Variants in ZNF469 observed in about 807,000 individuals in gnomAD.
The protein encoded by ZNF469 is zinc finger protein 469.
In ZNF469, 1 loss-of-function variant was observed where a neutral mutation model predicts 1.0. The observed-to-expected ratio is 1.00, with a 90% confidence interval of 0.35 to 4.73. ZNF469 has a LOEUF of 4.73. ZNF469 is among the 30% of genes most tolerant of loss of function. The pLI is 0.16. For synonymous variants in ZNF469, 2,703 were observed against 2,363.4 expected (o/e 1.14, Z -4.17); for missense variants, 6,100 against 5,356.3 (o/e 1.14, Z -4.33).
At chr16:88,346,236 C>T in the ZNF469 span, among the ~76,000 whole-genome samples, 1 of 152,250 alleles carries the variant, frequency 6.6e-6, no homozygotes, top group Admixed American at 6.5e-5. Context: ...CCGGTGCAGG[C>T]TGCTGGGTGA....
chr16:88,388,591 G>A (rs1288320828), intron 1 of ZNF469, among the ~76,000 whole-genome samples: 3 of 152,226 alleles, frequency 2.0e-5, no homozygotes, highest in Non-Finnish European at 4.4e-5. Context: ...TCTGCATTCC[G>A]GGCAGGGGCA....
chr16:88,381,002 T>A (rs1366119862), upstream of ZNF469, among the ~76,000 whole-genome samples: 3 of 80,064 alleles, frequency 3.7e-5, no homozygotes, highest in African/African-American at 1.0e-4. Flanking sequence ...AGACATGCAC[T>A]CACACACATG....
At chr16:88,319,370 C>G in the ZNF469 span, among the ~76,000 whole-genome samples, 1 of 152,140 alleles carries the variant, frequency 6.6e-6, no homozygotes, top group African/African-American at 2.4e-5. Context: ...AGGAGACTTT[C>G]TTGGGCGGAG....
the ZNF469 span, among the ~76,000 whole-genome samples, chr16:88,122,398 G>A: frequency 3.4e-5 from 5 of 148,202 alleles, no homozygotes; most frequent in African/African-American, 1.0e-4. Context: ...ATCACATCCC[G>A]TCACTCACTA....
At chr16:88,152,080 G>C in the ZNF469 span, among the ~76,000 whole-genome samples, 6 of 152,246 alleles carry the variant, frequency 3.9e-5, no homozygotes, top group African/African-American at 1.4e-4. The surrounding 1 kb of genome is among the most constrained non-coding windows in gnomAD (Gnocchi z 4.2). Context: ...CACAGAGAGA[G>C]CTGGCTTTGG....
chr16:88,375,454 C>T, the ZNF469 span, among the ~76,000 whole-genome samples: 1 of 152,226 alleles, frequency 6.6e-6, no homozygotes, highest in Non-Finnish European at 1.5e-5. Context: ...GAACGAAATA[C>T]ATTAACACCT....
chr16:88,405,664 C>T (rs1188279752), intron 1 of ZNF469, among the ~76,000 whole-genome samples: 2 of 152,168 alleles, frequency 1.3e-5, no homozygotes, highest in East Asian at 1.9e-4. Flanking sequence ...GCAGCTGGGC[C>T]CCACGGACCC....
the ZNF469 span, among the ~76,000 whole-genome samples, chr16:88,349,911 C>T: frequency 9.3e-3 from 3 of 324 alleles, no homozygotes; most frequent in Non-Finnish European, 0.031. Context: ...ACACACAATA[C>T]ACACTACACA....
the ZNF469 span, among the ~76,000 whole-genome samples, chr16:88,303,949 T>G: frequency 6.6e-6 from 1 of 152,330 alleles, no homozygotes; most frequent in East Asian, 1.9e-4. Context: ...TGATGAGGTC[T>G]GGGGGCTGCT....
chr16:88,323,953 A>G, the ZNF469 span, among the ~76,000 whole-genome samples: 1 of 152,102 alleles, frequency 6.6e-6, no homozygotes, highest in Non-Finnish European at 1.5e-5. Flanking sequence ...CAATCACCCC[A>G]GAACTTAGTG....
chr16:88,401,412 T>C lies in ZNF469; in HGVS notation c.-192+18158T>C, dbSNP rs73251740. 8.7e-4 allele frequency among the ~76,000 whole-genome samples: 108 copies of C among 124,388 alleles called. 1 individual carries two copies. Among genetic ancestry groups the C allele is most frequent in the African/African-American group, 3.4e-3 (103 of 30,040 alleles). 81.6% of individuals were successfully genotyped at this position (124,388 alleles called of 152,430 possible). A position where few individuals can be genotyped will look rare whatever the true frequency, so the allele number is the denominator to read the frequency against. ...ACTTGCAGGCCCAAGACCCAGATTC[T>C]AGTCCTGATGATGGACAGATGGATA... is the stretch of plus-strand genomic sequence containing the variant. On this transcript the variant is annotated intron_variant, in intron 1 of 2. Transcript: ENST00000565624.
At chr16:88,112,935 G>A in the ZNF469 span, among the ~76,000 whole-genome samples, 2 of 152,000 alleles carry the variant, frequency 1.3e-5, no homozygotes, top group African/African-American at 2.4e-5. Flanking sequence ...CCGCCACCAC[G>A]CCTGGCTAAT....
In ZNF469 at chr16:88,398,883, G is replaced by A. The variant is rs899156921; in HGVS notation, c.-192+15629G>A. 5.9e-5 allele frequency among the ~76,000 whole-genome samples: 9 copies of A among 152,314 alleles called. 1 individual carries two copies. The South Asian group carries it at 6.2e-4, about 11-fold the overall frequency. On this transcript the variant is annotated intron_variant, in intron 1 of 2. Transcript: ENST00000565624. The stretch of plus-strand genomic sequence containing the variant: ...ATGGGTCAGAGACAAAGCAGAGGAC[G>A]ACAGTCACTCGTCTGCACTCACTCT...
At chr16:88,373,122 A>T in the ZNF469 span, among the ~76,000 whole-genome samples, 1 of 152,330 alleles carries the variant, frequency 6.6e-6, no homozygotes, top group Admixed American at 6.5e-5. Flanking sequence ...CATTATCATG[A>T]CAATGTTTGA....
At chr16:88,326,578 G>A in the ZNF469 span, among the ~76,000 whole-genome samples, 2 of 152,182 alleles carry the variant, frequency 1.3e-5, no homozygotes, top group Non-Finnish European at 2.9e-5. Context: ...TGCTGGGCAG[G>A]ACACCGCATG....
intron 1 of ZNF469, among the ~76,000 whole-genome samples, chr16:88,422,333 ATGGG>A: frequency 1.1e-5 from 1 of 88,356 alleles, no homozygotes; most frequent in Non-Finnish European, 2.4e-5. Context: ...TGATGGATGG[ATGGG>A]TGAATGGGCA....
rs1327878609 is a variant in ZNF469, at chr16:88,438,814, G to A, written c.11344G>A (p.Ala3782Thr). 1.0e-5 allele frequency: 16 copies of A among 1,550,164 alleles called. No individual in the cohort carries two copies. The highest frequency in any genetic ancestry group is 3.6e-5 in the South Asian group (3 of 84,066). Residue 3782 changes from alanine (A) to threonine (T), a missense_variant, in exon 3 of 3, where the codon GCT becomes ACT. Coordinates refer to ENST00000565624, the MANE Select transcript of ZNF469 (RefSeq NM_001367624.2). ...SRSPAPERLP[A>T]RAQAKSCTKG... ...GAGCCCTGCACCAGAGAGGCTCCCC[G>A]CTCGAGCCCAAGCCAAGAGCTGCAC...
the ZNF469 span, among the ~76,000 whole-genome samples, chr16:88,270,795 G>T: frequency 2.0e-5 from 3 of 152,244 alleles, no homozygotes; most frequent in South Asian, 6.2e-4. Context: ...GGTGTTCAAG[G>T]CTTTCTATGG....
chr16:88,216,231 C>T, the ZNF469 span, among the ~76,000 whole-genome samples: 26 of 152,248 alleles, frequency 1.7e-4, no homozygotes, highest in African/African-American at 5.8e-4. Context: ...TGCAGTGGCT[C>T]ACGGCTGTAA....
Sources: gnomAD v4.1 joint callset for allele counts (sites outside exome capture counted in the v4.1 genomes callset) on GRCh38, gnomAD v4.1.1 for gene constraint, Gnocchi (gnomAD v3.1) non-coding constraint, MANE v1.5 for transcripts, NCBI Gene and HGNC (gene_info 2026-07-23, HGNC 2026-07-21) for gene names.